The following RPRD1A variants were observed in gnomAD, a reference collection of about 807,000 sequenced individuals.
RPRD1A encodes the protein regulation of nuclear pre-mRNA domain-containing protein 1A.
A neutral mutation model predicts 37.8 loss-of-function variants in RPRD1A; 9 were observed. That is an observed-to-expected ratio of 0.24 (90% confidence interval 0.14 to 0.42). The LOEUF is 0.42. RPRD1A is among the 10% of genes least tolerant of loss of function. RPRD1A has a pLI of 1.00. For missense variants in RPRD1A, 255 were observed against 371.0 expected (o/e 0.69, Z 2.57); for synonymous variants, 138 against 139.7 (o/e 0.99, Z 0.08).
chr18:36,023,642 G>A (rs1911156623), intron 6 of RPRD1A, among the ~76,000 whole-genome samples: 1 of 152,172 alleles, frequency 6.6e-6, no homozygotes, highest in South Asian at 2.1e-4. Context: ...TTTCAAGAAA[G>A]AAGTCAACTG....
intron 6 of RPRD1A, among the ~76,000 whole-genome samples, chr18:36,008,575 G>GTGTGTGTATGTATA (rs1555670677): frequency 7.1e-5 from 3 of 42,370 alleles, no homozygotes; most frequent in Non-Finnish European, 4.8e-5. Flanking sequence ...GACCTTGTGT[G>GTGTGTGTATGTATA]TGTATATATA....
intron 6 of RPRD1A, chr18:36,025,579 A>C: frequency 8.2e-7 from 1 of 1,222,644 alleles, no homozygotes; most frequent in Non-Finnish European, 1.1e-6. Context: ...ATTTTCAAAA[A>C]CATGAGACAA....
intron 6 of RPRD1A, among the ~76,000 whole-genome samples, chr18:36,018,077 C>T (rs1203982978): frequency 6.6e-6 from 1 of 152,164 alleles, no homozygotes; most frequent in Non-Finnish European, 1.5e-5. Flanking sequence ...AAACTGCATG[C>T]CTTGAACACA....
At position 36,031,060 on chromosome 18, in the gene RPRD1A, C is replaced by G. The variant is rs749541565; in HGVS notation, c.319G>C (p.Val107Leu). Residue 107 changes from valine (V) to leucine (L), a missense_variant, in exon 3 of 7, where the codon GTG becomes CTG. Physicochemically the swap from Val to Leu is conservative, Grantham distance 32. This residue lies in a region of RPRD1A where 211 missense variants were observed against 268.9 expected (regional missense o/e 0.78). Coordinates refer to ENST00000399022, the MANE Select transcript of RPRD1A (RefSeq NM_018170.5). ...DESCKKHLGR[V>L]LSIWEERSVY... ...GACCTTTCTTCCCAAATAGATAACACTCTTCCAAGGTGCTTCTTACAACTT... is the reference window on the plus strand; with the variant it reads ...GACCTTTCTTCCCAAATAGATAACAGTCTTCCAAGGTGCTTCTTACAACTT... 2 of 1,586,850 alleles carry G rather than the reference C, an allele frequency of 1.3e-6. No homozygotes were observed. The highest frequency in any genetic ancestry group is 1.7e-6 in the Non-Finnish European group (2 of 1,172,732).
chr18:36,044,898 G>C (rs932460506), intron 1 of RPRD1A, among the ~76,000 whole-genome samples: 1 of 151,814 alleles, frequency 6.6e-6, no homozygotes, highest in Non-Finnish European at 1.5e-5. Context: ...AAAAACAATA[G>C]TCTGAAATAC....
At chr18:36,033,308 A>C (rs1354291262) in intron 2 of RPRD1A, among the ~76,000 whole-genome samples, 14 of 149,546 alleles carry the variant, frequency 9.4e-5, no homozygotes, top group African/African-American at 2.2e-4. Context: ...TCAAAAAAAA[A>C]AAAAAAAAAA....
intron 1 of RPRD1A, among the ~76,000 whole-genome samples, chr18:36,055,828 A>G (rs1032980668): frequency 6.6e-6 from 1 of 152,216 alleles, no homozygotes; most frequent in Non-Finnish European, 1.5e-5. Context: ...AATAAAGAGT[A>G]TAACAGTGCA....
intron 6 of RPRD1A, among the ~76,000 whole-genome samples, chr18:36,018,571 C>G (rs565489815): frequency 3.7e-4 from 57 of 152,292 alleles, no homozygotes; most frequent in African/African-American, 1.2e-3. Flanking sequence ...CCGCTCCCAG[C>G]CCCAAGTTAC....
Position 35,992,877 on chromosome 18 carries a change from C to CA in RPRD1A, c.*273dup, listed in dbSNP as rs573754672. ...AGAGATTTCTCACAAGGCCTTGGAT[C>CA]AAAAAAAAAATTTACAAAAAGATCT... On this transcript the variant is annotated 3_prime_UTR_variant, in exon 7 of 7. Transcript: ENST00000399022. 2.3e-3 allele frequency: 583 copies of CA among 251,604 alleles called. No individual in the cohort carries two copies. The highest frequency in any genetic ancestry group is 5.0e-3 in the Middle Eastern group (4 of 806). The allele number at this position is 251,604 out of a possible 1,614,324, so 15.6% of individuals were successfully genotyped here. A position where few individuals can be genotyped will look rare whatever the true frequency, so the allele number is the denominator to read the frequency against.
At chr18:36,021,502 G>A (rs1340776314) in intron 6 of RPRD1A, among the ~76,000 whole-genome samples, 2 of 152,126 alleles carry the variant, frequency 1.3e-5, no homozygotes, top group Admixed American at 1.3e-4. Context: ...CATTGGAATT[G>A]GGCCAATTAA....
In RPRD1A at chr18:36,026,957, T is replaced by A; in HGVS notation, c.732A>T (p.Leu244Phe). 6.2e-7 allele frequency: 1 copy of A among 1,614,036 alleles called. No homozygotes were observed. The highest frequency in any genetic ancestry group is 8.5e-7 in the Non-Finnish European group (1 of 1,179,890). ...IDDRKQLTRM[L>F]ADFLRCQKEA... Reference sequence around the variant, plus strand: ...CCTTTTGACAACGAAGAAAATCTGCTAACATTCGAGTGAGTTGCTTTCTAT... The same window carrying A: ...CCTTTTGACAACGAAGAAAATCTGCAAACATTCGAGTGAGTTGCTTTCTAT... Residue 244 changes from leucine to phenylalanine, a missense_variant, in exon 6 of 7, where the codon TTA becomes TTT. Leu to Phe is a conservative substitution (Grantham distance 22). Transcript: ENST00000399022.
chr18:36,066,329 C>G (rs1420386353), intron 1 of RPRD1A, among the ~76,000 whole-genome samples: 11 of 152,162 alleles, frequency 7.2e-5, no homozygotes, highest in Admixed American at 7.2e-4. Flanking sequence ...AGTAAGCAAG[C>G]GTCTATTTTG....
At chr18:36,023,080 T>C (rs970103987) in intron 6 of RPRD1A, among the ~76,000 whole-genome samples, 5 of 152,224 alleles carry the variant, frequency 3.3e-5, no homozygotes, top group African/African-American at 1.2e-4. Flanking sequence ...CACTTATAGA[T>C]AAAAGAGCAA....
chr18:36,039,320 TGA>T (rs1463925245), intron 1 of RPRD1A, among the ~76,000 whole-genome samples: 2 of 152,206 alleles, frequency 1.3e-5, no homozygotes, highest in African/African-American at 2.4e-5. Context: ...TATAGCAATG[TGA>T]GAGGAGACTA....
chr18:36,004,767 G>A (rs551814175), intron 6 of RPRD1A, among the ~76,000 whole-genome samples: 9 of 152,288 alleles, frequency 5.9e-5, no homozygotes, highest in African/African-American at 2.2e-4. Flanking sequence ...GCTGGGCGCG[G>A]TGGCACACAC....
chr18:36,014,745 G>T (rs1352898925), intron 6 of RPRD1A, among the ~76,000 whole-genome samples: 2 of 151,718 alleles, frequency 1.3e-5, no homozygotes, highest in African/African-American at 4.8e-5. Flanking sequence ...TCCGTCTCAA[G>T]AAAATAAATA....
chr18:36,059,670 C>G (rs554955858), intron 1 of RPRD1A, among the ~76,000 whole-genome samples: 2 of 151,990 alleles, frequency 1.3e-5, no homozygotes, highest in African/African-American at 4.8e-5. Flanking sequence ...TTCTTTGGAA[C>G]AACCAATTTG....
chr18:36,003,422 A>G lies in RPRD1A; in HGVS notation c.790-10122T>C, dbSNP rs185864692. On this transcript the variant is annotated intron_variant, in intron 6 of 6. Transcript: ENST00000399022. The stretch of plus-strand genomic sequence containing the variant: ...GCAATTAACTTTGGAAAATCAAAAT[A>G]AGGGAATTTATACTAGAAATGTTTA... Among the ~76,000 whole-genome samples, 750 of 152,350 alleles carry G rather than the reference A, an allele frequency of 4.9e-3. 2 individuals are homozygous for G. Among genetic ancestry groups the G allele is most frequent in the Non-Finnish European group, 8.5e-3 (579 of 68,034 alleles).
In RPRD1A at chr18:36,067,405, C is replaced by G. The variant is rs761531417; in HGVS notation, c.-1G>C. The G allele has an allele frequency of 1.2e-6, 2 of 1,605,248 alleles. No individual in the cohort carries two copies. The highest frequency in any genetic ancestry group is 1.1e-5 in the South Asian group (1 of 89,536). ...GCGCCGCCTCAGAGAAGGCTGACAT[C>G]CCTCCGACACCACGTTCACGCCGTC... On this transcript the variant is annotated 5_prime_UTR_variant, in exon 1 of 7. Transcript: ENST00000399022.
Sources: allele counts gnomAD v4.1 joint callset (sites outside exome capture counted in the v4.1 genomes callset), GRCh38; gene constraint gnomAD v4.1.1; regional missense constraint gnomAD v4.1.1; transcripts MANE v1.5; gene names NCBI Gene and HGNC (gene_info 2026-07-23, HGNC 2026-07-21).